Variants in GDF7 observed in about 807,000 individuals in gnomAD.
GDF7 encodes growth differentiation factor 7.
Under a neutral mutation model 13.4 loss-of-function variants are expected in GDF7, and 12 were observed. The observed-to-expected ratio is 0.90, with a 90% CI of 0.57 to 1.45. The LOEUF (loss-of-function observed/expected upper bound fraction) is 1.45, where lower values mean the gene tolerates loss of function less well. GDF7 is among the 40% of genes most tolerant of loss of function. GDF7 has a pLI of 0.00. For missense variants in GDF7, 651 were observed against 652.4 expected, an observed-to-expected ratio of 1.00 and a Z score of 0.02; for synonymous variants, 330 against 306.4, an observed-to-expected ratio of 1.08 and a Z score of -0.80.
In GDF7 at chr2:20,670,963, A is replaced by G. The variant is rs1156907465; in HGVS notation, c.891A>G (p.Ser297=). The part of the protein sequence containing the change: ...QARALGAALA[S]EPLPDPGTGT... ...GCGCGCTCGGGGCCGCTCTGGCCTC[A>G]GAGCCGCTGCCCGACCCAGGAACCG... Residue 297 remains serine (S), a synonymous_variant, in exon 2 of 2, where the codon TCA becomes TCG. Transcript: ENST00000272224. 10 of 1,561,654 alleles carry G rather than the reference A, an allele frequency of 6.4e-6. No homozygotes were observed. Among genetic ancestry groups the G allele is most frequent in the Admixed American group, 1.8e-5 (1 of 57,034 alleles).
At position 20,667,881 on chromosome 2, in the gene GDF7, T is replaced by G. The variant is rs987900208; in HGVS notation, c.391+251T>G. Among the ~76,000 whole-genome samples the G allele has an allele frequency of 4.6e-5, 7 of 152,158 alleles. No homozygotes were observed. Among genetic ancestry groups the G allele is most frequent in the African/African-American group, 1.7e-4 (7 of 41,454 alleles). On this transcript the variant is annotated intron_variant, in intron 1 of 1. Coordinates refer to ENST00000272224, the MANE Select transcript of GDF7 (RefSeq NM_182828.4). This position sits in a 1 kb window ranked among gnomAD's most constrained non-coding sequence, Gnocchi z 6.4. The stretch of plus-strand genomic sequence containing the variant: ...TCCCTCTCCCAGGTCTCCCTGGCCT[T>G]GCAGGCCGGCTGGTCCCCTCGAGGA...
At position 20,667,581 on chromosome 2, in the gene GDF7, C is replaced by A; in HGVS notation, c.342C>A (p.Gly114=). ...GGGCAGCCGCTGTCTCCGCCTCGGG[C>A]CATGGTCGCGCGGACACGATCACCG... is the stretch of plus-strand genomic sequence containing the variant. The part of the protein sequence containing the change: ...PAGAAAVSAS[G]HGRADTITGF... Residue 114 remains glycine (G), a synonymous_variant, in exon 1 of 2, where the codon GGC becomes GGA. Transcript: ENST00000272224. This position sits in a 1 kb window ranked among gnomAD's most constrained non-coding sequence, Gnocchi z 6.4. 1 of 1,516,584 alleles carries A rather than the reference C, an allele frequency of 6.6e-7. No individual in the cohort carries two copies. The highest frequency in any genetic ancestry group is 8.8e-7 in the Non-Finnish European group (1 of 1,139,778). The allele number at this position is 1,516,584 out of a possible 1,614,324, so 93.9% of individuals were successfully genotyped here. A position where few individuals can be genotyped will look rare whatever the true frequency, so the allele number is the denominator to read the frequency against.
In GDF7 at chr2:20,671,407, G is replaced by A; in HGVS notation, c.1335G>A (p.Glu445=). Residue 445 remains glutamate, a synonymous_variant, in exon 2 of 2, where the codon GAG becomes GAA. Transcript: ENST00000272224. ...AGCAATACGAGGACATGGTGGTGGA[G>A]GCCTGCGGCTGCAGGTAGCGCGAGG... is the stretch of plus-strand genomic sequence containing the variant. The part of the protein sequence containing the change: ...VYKQYEDMVV[E]ACGCR The A allele has an allele frequency of 6.2e-7, 1 of 1,610,356 alleles. No homozygotes were observed.
rs929428292 is a variant in GDF7 at position 20,671,191 on chromosome 2, C to G, written c.1119C>G (p.Tyr373Ter). ...WDDWIIAPLDYEAYHCEGLCD... is the reference protein window; with the variant it reads ...WDDWIIAPLD Reference sequence around the variant, plus strand: ...ACTGGATCATCGCGCCGCTGGACTACGAGGCGTACCACTGCGAGGGCCTTT... The same window carrying G: ...ACTGGATCATCGCGCCGCTGGACTAGGAGGCGTACCACTGCGAGGGCCTTT... Residue 373 changes from tyrosine to a stop codon, truncating the protein, a stop_gained, in exon 2 of 2, where the codon TAC (tyrosine) becomes TAG (stop). Coordinates refer to ENST00000272224, the MANE Select transcript of GDF7 (RefSeq NM_182828.4). LOFTEE classifies it high-confidence loss of function. The G allele has an allele frequency of 1.2e-6, 2 of 1,613,700 alleles. No individual in the cohort carries two copies. Among genetic ancestry groups the G allele is most frequent in the Non-Finnish European group, 1.7e-6 (2 of 1,179,914 alleles).
In GDF7 at chr2:20,667,489, G is replaced by A. The variant is rs769068499; in HGVS notation, c.250G>A (p.Gly84Ser). The change falls in exon 1 of 2, where the codon GGC becomes AGC. Residue 84 changes from glycine to serine, a missense_variant. Around this residue, in one of 4 missense-constraint regions of GDF7, gnomAD observed 487 missense variants for 445.9 expected, o/e 1.09. Coordinates refer to ENST00000272224, the MANE Select transcript of GDF7 (RefSeq NM_182828.4). This position sits in a 1 kb window ranked among gnomAD's most constrained non-coding sequence, Gnocchi z 6.4. ...RRAAGSGFRN[G>S]SVVPHHFMMS... ...CGCCGCGGGCTCCGGCTTCAGGAAC[G>A]GCTCGGTGGTGCCGCACCACTTCAT... 52 of 1,289,638 alleles carry A rather than the reference G, an allele frequency of 4.0e-5. No homozygotes were observed. In the South Asian group the frequency reaches 1.1e-3, roughly 28 times the overall value. The allele number at this position is 1,289,638 out of a possible 1,614,324, so 79.9% of individuals were successfully genotyped here.
intron 1 of GDF7, among the ~76,000 whole-genome samples, chr2:20,668,496 A>C (rs1010251893): frequency 2.0e-5 from 3 of 152,232 alleles, no homozygotes; most frequent in Non-Finnish European, 4.4e-5. Context: ...GATAGAGAAA[A>C]TTTACCTAAT....
In GDF7 at chr2:20,670,465, C is replaced by T; in HGVS notation, c.393C>T (p.Asp131=). Residue 131 remains aspartate (D), a splice_region_variant and synonymous_variant, in exon 2 of 2, where the codon GAC becomes GAT. Coordinates refer to ENST00000272224, the MANE Select transcript of GDF7 (RefSeq NM_182828.4). The stretch of plus-strand genomic sequence containing the variant: ...TCTGTCCCTGCCGGTCCCCCGCAGA[C>T]GAATCGGCAGCCGAAACAGGCCAGA... ...ITGFTDQATQ[D]ESAAETGQSF... is the part of the protein sequence containing the mutation. The T allele has an allele frequency of 2.0e-6, 3 of 1,534,250 alleles. No individual in the cohort carries two copies. Among genetic ancestry groups the T allele is most frequent in the Non-Finnish European group, 2.6e-6 (3 of 1,139,370 alleles).
Position 20,667,362 on chromosome 2 carries a change from G to GGCGGC in GDF7, c.124_125insCGGCG (p.Gly42AlafsTer53). ...GGGCTGGGCCGGTCCGGAGCCCAGG[G>GGCGGC]GGCGGCGGCGGCGGCGGCGGCGGCG... On this transcript the variant is annotated frameshift_variant, in exon 1 of 2. Coordinates refer to ENST00000272224, the MANE Select transcript of GDF7 (RefSeq NM_182828.4). LOFTEE classifies it high-confidence loss of function. The surrounding 1 kb of genome is among the most constrained non-coding windows in gnomAD (Gnocchi z 6.4). The GGCGGC allele has an allele frequency of 3.7e-6, 3 of 808,844 alleles. No homozygotes were observed. Among genetic ancestry groups the GGCGGC allele is most frequent in the Non-Finnish European group, 4.5e-6 (3 of 671,710 alleles). The allele number at this position is 808,844 out of a possible 1,614,324, so 50.1% of individuals were successfully genotyped here. A position where few individuals can be genotyped will look rare whatever the true frequency, so the allele number is the denominator to read the frequency against.
intron 1 of GDF7, among the ~76,000 whole-genome samples, chr2:20,670,091 A>T (rs1662085777): frequency 6.6e-6 from 1 of 152,132 alleles, no homozygotes; most frequent in South Asian, 2.1e-4. Context: ...CTGATCTCGG[A>T]TTCTGGCCCG....
chr2:20,671,124 G>T lies in GDF7; in HGVS notation c.1052G>T (p.Arg351Leu). The change falls in exon 2 of 2, where the codon CGC becomes CTC. Residue 351 changes from arginine (R) to leucine (L), a missense_variant. This residue lies in a region of GDF7 where 487 missense variants were observed against 445.9 expected (regional missense o/e 1.09). Coordinates refer to ENST00000272224, the MANE Select transcript of GDF7 (RefSeq NM_182828.4). ...CGCAGGGGCCGGAGCCGCTGCAGCCGCAAGCCGTTGCACGTGGACTTCAAG... is the reference window on the plus strand; with the variant it reads ...CGCAGGGGCCGGAGCCGCTGCAGCCTCAAGCCGTTGCACGTGGACTTCAAG... ...HGRRGRSRCS[R>L]KPLHVDFKEL... 6.2e-7 allele frequency: 1 copy of T among 1,608,530 alleles called. No homozygotes were observed. Among genetic ancestry groups the T allele is most frequent in the Non-Finnish European group, 8.5e-7 (1 of 1,177,936 alleles).
intron 1 of GDF7, among the ~76,000 whole-genome samples, chr2:20,669,475 T>C (rs887163428): frequency 6.6e-6 from 1 of 151,952 alleles, no homozygotes; most frequent in African/African-American, 2.4e-5. Flanking sequence ...GTGTCCACAC[T>C]GGAAATAAAA....
rs1564696 is a variant in GDF7 at position 20,671,533 on chromosome 2, A to G, written c.*108A>G. 1,135,219 of 1,135,680 alleles carry G rather than the reference A, an allele frequency of 1. 567,380 individuals are homozygous for G. Among genetic ancestry groups the G allele is most frequent in the Middle Eastern group, 1 (3,576 of 3,576 alleles). 70.4% of individuals were successfully genotyped at this position (1,135,680 alleles called of 1,614,324 possible). ...GGGTGCATGTCCGATGTGACCCAGC[A>G]CCCTCTCAGAGGAGGGAGAGCACAC... is the stretch of plus-strand genomic sequence containing the variant. On this transcript the variant is annotated 3_prime_UTR_variant, in exon 2 of 2. Transcript: ENST00000272224.
In GDF7 at chr2:20,677,952, C is replaced by T; in HGVS notation, c.*6527C>T. ...AGACAACGCACATGTGTCCTGGATC[C>T]TCCCCTGGCCTGGGGCAGCAGCAGC... On this transcript the variant is annotated 3_prime_UTR_variant, in exon 2 of 2. Transcript: ENST00000272224. 1 of 153,576 alleles carries T rather than the reference C, an allele frequency of 6.5e-6. No individual in the cohort carries two copies. Among genetic ancestry groups the T allele is most frequent in the Non-Finnish European group, 1.4e-5 (1 of 69,058 alleles). The allele number at this position is 153,576 out of a possible 1,614,324, so 9.5% of individuals were successfully genotyped here.
Position 20,676,575 on chromosome 2 carries a change from A to C in GDF7, c.*5150A>C, listed in dbSNP as rs996583154. On this transcript the variant is annotated 3_prime_UTR_variant, in exon 2 of 2. Transcript: ENST00000272224. ...GACACAGACTGCAGGGAGAGGGCTGAAAGTTGGCCTAGTGAATCAGAGGGG... is the reference window on the plus strand; with the variant it reads ...GACACAGACTGCAGGGAGAGGGCTGCAAGTTGGCCTAGTGAATCAGAGGGG... The C allele has an allele frequency of 1.3e-5, 2 of 152,296 alleles. No homozygotes were observed. The highest frequency in any genetic ancestry group is 4.8e-5 in the African/African-American group (2 of 41,442). 9.4% of individuals were successfully genotyped at this position (152,296 alleles called of 1,614,324 possible).
rs1013596934 is a variant in GDF7, at chr2:20,678,264, T to A, written c.*6839T>A. The A allele has an allele frequency of 6.6e-6, 1 of 152,262 alleles. No homozygotes were observed. Among genetic ancestry groups the A allele is most frequent in the African/African-American group, 2.4e-5 (1 of 41,474 alleles). 9.4% of individuals were successfully genotyped at this position (152,262 alleles called of 1,614,324 possible). A position where few individuals can be genotyped will look rare whatever the true frequency, so the allele number is the denominator to read the frequency against. On this transcript the variant is annotated 3_prime_UTR_variant, in exon 2 of 2. Transcript: ENST00000272224. ...GGATTAAACATGAGCATCCTTAGAA[T>A]AATTTTATTTTTGTATTTCACTTTA...
In GDF7 at chr2:20,675,050, T is replaced by G. The variant is rs1356993902; in HGVS notation, c.*3625T>G. 1 of 152,214 alleles carries G rather than the reference T, an allele frequency of 6.6e-6. No individual in the cohort carries two copies. The highest frequency in any genetic ancestry group is 6.5e-5 in the Admixed American group (1 of 15,286). The allele number at this position is 152,214 out of a possible 1,614,324, so 9.4% of individuals were successfully genotyped here. On this transcript the variant is annotated 3_prime_UTR_variant, in exon 2 of 2. Coordinates refer to ENST00000272224, the MANE Select transcript of GDF7 (RefSeq NM_182828.4). ...AAGAGCAGCTCGTGCACAGATAAGGTCAGACTTTTCCTGTGCTTGAATCTG... is the reference window on the plus strand; with the variant it reads ...AAGAGCAGCTCGTGCACAGATAAGGGCAGACTTTTCCTGTGCTTGAATCTG...
In GDF7 at chr2:20,675,036, G is replaced by A. The variant is rs945298874; in HGVS notation, c.*3611G>A. On this transcript the variant is annotated 3_prime_UTR_variant, in exon 2 of 2. Transcript: ENST00000272224. ...ATTACGTTCTTTCCAAGAGCAGCTCGTGCACAGATAAGGTCAGACTTTTCC... is the reference window on the plus strand; with the variant it reads ...ATTACGTTCTTTCCAAGAGCAGCTCATGCACAGATAAGGTCAGACTTTTCC... 6.6e-6 allele frequency: 1 copy of A among 152,228 alleles called. No individual in the cohort carries two copies. Among genetic ancestry groups the A allele is most frequent in the South Asian group, 2.1e-4 (1 of 4,836 alleles). 9.4% of individuals were successfully genotyped at this position (152,228 alleles called of 1,614,324 possible). A position where few individuals can be genotyped will look rare whatever the true frequency, so the allele number is the denominator to read the frequency against.
At chr2:20,669,171 G>A (rs1029724037) in intron 1 of GDF7, among the ~76,000 whole-genome samples, 3 of 152,148 alleles carry the variant, frequency 2.0e-5, no homozygotes, top group Non-Finnish European at 4.4e-5. Context: ...TCCTCGTGCA[G>A]CCCCAGTGTG....
At chr2:20,669,271 A>T (rs1274515577) in intron 1 of GDF7, among the ~76,000 whole-genome samples, 1 of 152,054 alleles carries the variant, frequency 6.6e-6, no homozygotes, top group Non-Finnish European at 1.5e-5. Context: ...TAGAACCGGG[A>T]CCTCAGGCAT....
Sources: allele counts gnomAD v4.1 joint callset (sites outside exome capture counted in the v4.1 genomes callset), GRCh38; gene constraint gnomAD v4.1.1; regional missense constraint gnomAD v4.1.1; non-coding constraint Gnocchi (gnomAD v3.1); transcripts MANE v1.5; gene names NCBI Gene and HGNC (gene_info 2026-07-23, HGNC 2026-07-21).